Variants in PITPNC1 observed in about 807,000 individuals in gnomAD.
PITPNC1 encodes the protein cytoplasmic phosphatidylinositol transfer protein 1.
Under a neutral mutation model 44.7 loss-of-function variants are expected in PITPNC1, and 18 were observed. That is an observed-to-expected ratio of 0.40 (90% CI 0.28 to 0.60). The LOEUF (loss-of-function observed/expected upper bound fraction) is 0.60, where lower values mean the gene tolerates loss of function less well. Among genes scored for constraint, PITPNC1 ranks in the 20% least tolerant of loss-of-function variants. PITPNC1 has a pLI of 0.39. For synonymous variants in PITPNC1, 141 were observed against 149.6 expected, an observed-to-expected ratio of 0.94 and a Z score of 0.42; for missense variants, 290 against 418.4, an observed-to-expected ratio of 0.69 and a Z score of 2.68.
intron 1 of PITPNC1, among the ~76,000 whole-genome samples, chr17:67,405,605 CTTTCTTTT>C (rs1406394397): frequency 1.3e-5 from 2 of 150,302 alleles, no homozygotes; most frequent in Non-Finnish European, 3.0e-5. Context: ...TTCTTTCTTT[CTTTCTTTT>C]TTTTTTTTTT....
At chr17:67,521,781 C>T (rs146026571) in intron 1 of PITPNC1, among the ~76,000 whole-genome samples, 156 of 152,272 alleles carry the variant, frequency 1.0e-3, no homozygotes, top group Non-Finnish European at 1.6e-3. Context: ...TCGGGCAGAA[C>T]TTCGGGATAA....
At chr17:67,549,206 C>CTTTAGGATT (rs2040724574) in intron 2 of PITPNC1, among the ~76,000 whole-genome samples, 1 of 152,128 alleles carries the variant, frequency 6.6e-6, no homozygotes, top group Non-Finnish European at 1.5e-5. Flanking sequence ...GTAATCCCAG[C>CTTTAGGATT]ACTTTAGGAG....
At chr17:67,476,524 A>G (rs573129885) in intron 1 of PITPNC1, among the ~76,000 whole-genome samples, 97 of 152,306 alleles carry the variant, frequency 6.4e-4, no homozygotes, top group Admixed American at 2.1e-3. Context: ...TCTGCTTGAT[A>G]GCAAGAGCTG....
At chr17:67,378,617 G>C (rs1343518276) in intron 1 of PITPNC1, among the ~76,000 whole-genome samples, 3 of 152,168 alleles carry the variant, frequency 2.0e-5, no homozygotes, top group African/African-American at 7.2e-5. Context: ...CGGTCAGGTA[G>C]GGGTGCGAGG....
intron 5 of PITPNC1, among the ~76,000 whole-genome samples, chr17:67,620,444 G>A (rs969212288): frequency 6.6e-6 from 1 of 152,136 alleles, no homozygotes; most frequent in Non-Finnish European, 1.5e-5. Flanking sequence ...AAACAGAAGG[G>A]CACAGCAAGC....
chr17:67,486,569 T>C (rs1315345170), intron 1 of PITPNC1, among the ~76,000 whole-genome samples: 1 of 152,154 alleles, frequency 6.6e-6, no homozygotes, highest in Non-Finnish European at 1.5e-5. Flanking sequence ...ACAGACAGCC[T>C]TGTAGAAATC....
chr17:67,400,768 A>G (rs1474751740), intron 1 of PITPNC1, among the ~76,000 whole-genome samples: 1 of 150,566 alleles, frequency 6.6e-6, no homozygotes, highest in Non-Finnish European at 1.5e-5. Context: ...GCCCATTTTA[A>G]TCGATATATA....
At chr17:67,604,791 A>G (rs1267244748) in intron 5 of PITPNC1, among the ~76,000 whole-genome samples, 1 of 151,778 alleles carries the variant, frequency 6.6e-6, no homozygotes, top group Non-Finnish European at 1.5e-5. Context: ...TCCAAAAAAA[A>G]TTAAAATATG....
chr17:67,483,832 G>A (rs989991450), intron 1 of PITPNC1, among the ~76,000 whole-genome samples: 2 of 151,922 alleles, frequency 1.3e-5, no homozygotes, highest in Non-Finnish European at 2.9e-5. Flanking sequence ...GTTTATGCCT[G>A]AAGAGGAGAA....
chr17:67,455,802 A>G (rs910996669), intron 1 of PITPNC1, among the ~76,000 whole-genome samples: 1 of 152,112 alleles, frequency 6.6e-6, no homozygotes, highest in Non-Finnish European at 1.5e-5. Flanking sequence ...GGAAAGTTGT[A>G]TAGTTAGTCA....
intron 1 of PITPNC1, among the ~76,000 whole-genome samples, chr17:67,386,620 T>C (rs2038058242): frequency 6.6e-6 from 1 of 152,208 alleles, no homozygotes; most frequent in Non-Finnish European, 1.5e-5. Flanking sequence ...TGAAAGTGTA[T>C]GCACAAAGGC....
intron 1 of PITPNC1, among the ~76,000 whole-genome samples, chr17:67,523,806 CGTTTTTTTTTTTTT>C (rs1262237693): frequency 4.7e-5 from 6 of 127,632 alleles, no homozygotes; most frequent in Non-Finnish European, 6.5e-5. Flanking sequence ...ACATGGAAAC[CGTTTTTTTTTTTTT>C]TTTTTTTTTT....
At chr17:67,476,420 C>G (rs568966581) in intron 1 of PITPNC1, among the ~76,000 whole-genome samples, 4 of 152,144 alleles carry the variant, frequency 2.6e-5, no homozygotes, top group Admixed American at 2.6e-4. Flanking sequence ...CTCCTGACCT[C>G]AGGTAATTCA....
At chr17:67,564,754 C>T (rs958721785) in intron 4 of PITPNC1, among the ~76,000 whole-genome samples, 1 of 152,150 alleles carries the variant, frequency 6.6e-6, no homozygotes, top group Admixed American at 6.5e-5. Flanking sequence ...TATAGTTACT[C>T]TGGGATGCCA....
At chr17:67,581,078 C>T (rs1598848185) in intron 5 of PITPNC1, among the ~76,000 whole-genome samples, 1 of 152,198 alleles carries the variant, frequency 6.6e-6, no homozygotes, top group Non-Finnish European at 1.5e-5. Context: ...GACACGTGGC[C>T]TCACTGTGAT....
intron 6 of PITPNC1, among the ~76,000 whole-genome samples, chr17:67,660,609 G>C (rs1377145774): frequency 2.0e-5 from 3 of 151,510 alleles, no homozygotes; most frequent in Non-Finnish European, 4.4e-5. Flanking sequence ...GCAGTGGCAT[G>C]ATCTCAGCTC....
intron 4 of PITPNC1, among the ~76,000 whole-genome samples, chr17:67,577,502 A>G (rs2041165670): frequency 6.6e-6 from 1 of 151,936 alleles, no homozygotes; most frequent in South Asian, 2.1e-4. Flanking sequence ...TGGAGGTTGC[A>G]GTGAGCCGAG....
At chr17:67,656,109 T>G (rs2068940701) in intron 6 of PITPNC1, among the ~76,000 whole-genome samples, 1 of 152,096 alleles carries the variant, frequency 6.6e-6, no homozygotes, top group African/African-American at 2.4e-5. Context: ...AGTGACTGGA[T>G]CTTGACTGTA....
chr17:67,414,123 G>T (rs1332166263), intron 1 of PITPNC1, among the ~76,000 whole-genome samples: 6 of 151,864 alleles, frequency 4.0e-5, no homozygotes, highest in Non-Finnish European at 7.4e-5. Flanking sequence ...AGAGAGAATG[G>T]TGTGTTGGAC....
Sources: allele counts gnomAD v4.1 joint callset (sites outside exome capture counted in the v4.1 genomes callset), GRCh38; gene constraint gnomAD v4.1.1; transcripts MANE v1.5; gene names NCBI Gene and HGNC (gene_info 2026-07-23, HGNC 2026-07-21).